PXDNL: variants seen among roughly 807,000 people sequenced by gnomAD.
PXDNL encodes peroxidasin like, also known as probable oxidoreductase PXDNL.
In PXDNL, 145 loss-of-function variants were observed where a neutral mutation model predicts 150.8. The observed-to-expected ratio is 0.96, with a 90% CI of 0.84 to 1.10. The LOEUF is 1.10. Ranked by LOEUF, PXDNL falls within the 50% of genes least tolerant of loss-of-function variation. The pLI, the probability that PXDNL is intolerant of heterozygous loss-of-function variation, is 0.00. For missense variants in PXDNL, 2,087 were observed against 1,873.9 expected (o/e 1.11, Z -2.10); for synonymous variants, 757 against 725.7 (o/e 1.04, Z -0.69).
At chr8:51,695,819 G>T (rs191123543) in intron 1 of PXDNL, among the ~76,000 whole-genome samples, 35 of 152,276 alleles carry the variant, frequency 2.3e-4, no homozygotes, top group African/African-American at 7.9e-4. Context: ...GAGTGCCTGG[G>T]GACTCTGATA....
At chr8:51,751,041 GAA>G (rs2037041042) in intron 1 of PXDNL, among the ~76,000 whole-genome samples, 1 of 149,642 alleles carries the variant, frequency 6.7e-6, no homozygotes, top group African/African-American at 2.5e-5. Flanking sequence ...TTTTTTTTTT[GAA>G]AAGTTTTAAT....
chr8:51,427,431 C>T (rs1231843768), intron 12 of PXDNL, among the ~76,000 whole-genome samples: 1 of 151,628 alleles, frequency 6.6e-6, no homozygotes, highest in Non-Finnish European at 1.5e-5. Flanking sequence ...CAGAAGATAA[C>T]TACAAACAAA....
intron 1 of PXDNL, among the ~76,000 whole-genome samples, chr8:51,797,540 A>C (rs887955027): frequency 6.6e-6 from 1 of 152,228 alleles, no homozygotes; most frequent in African/African-American, 2.4e-5. Context: ...ACAGACAAGC[A>C]GAGAGCCAAA....
rs1228857719 is a variant in PXDNL, at chr8:51,408,974, G to C, written c.2650C>G (p.Arg884Gly). Reference sequence around the variant, plus strand: ...GCTGTTTGCTGGTTGATCTGCTCTCGTGCATAGACTGAATCCACCGTCGCA... The same window carrying C: ...GCTGTTTGCTGGTTGATCTGCTCTCCTGCATAGACTGAATCCACCGTCGCA... ...PSATVDSVYA[R>G]EQINQQTAYI... Residue 884 changes from arginine (R) to glycine (G), a missense_variant, in exon 17 of 23, where the codon CGA (arginine) becomes GGA (glycine). Transcript: ENST00000356297. 7 of 1,612,140 alleles carry C rather than the reference G, an allele frequency of 4.3e-6. No individual in the cohort carries two copies. The highest frequency in any genetic ancestry group is 4.0e-5 in the African/African-American group (3 of 74,942).
intron 16 of PXDNL, 60 bp downstream of exon 16, chr8:51,411,190 A>AGGT (rs1239587878): frequency 1.5e-6 from 2 of 1,303,460 alleles, no homozygotes; most frequent in African/African-American, 1.5e-5. Flanking sequence ...TCCTTTGCTA[A>AGGT]GGTGGTGGTC....
At chr8:51,747,216 C>T (rs2036995499) in intron 1 of PXDNL, among the ~76,000 whole-genome samples, 1 of 152,212 alleles carries the variant, frequency 6.6e-6, no homozygotes, top group Non-Finnish European at 1.5e-5. Flanking sequence ...TGGTGCCCAC[C>T]CTCTCCACTG....
At chr8:51,767,602 A>G (rs1462562389) in intron 1 of PXDNL, among the ~76,000 whole-genome samples, 1 of 152,190 alleles carries the variant, frequency 6.6e-6, no homozygotes, top group African/African-American at 2.4e-5. Flanking sequence ...ACTATGCCTT[A>G]GTCTTCACTT....
rs200076316 is a variant in PXDNL, at chr8:51,472,229, G to T, written c.770C>A (p.Ala257Glu). ...SGNTVYFTCR[A>E]EGNPKPEIIW... ...AATCTCAGGTTTGGGGTTTCCTTCC[G>T]CCCGGCAGGTGAAGTAGACGGTATT... Residue 257 changes from alanine (A) to glutamate (E), a missense_variant, in exon 8 of 23, where the codon GCG (alanine) becomes GAG (glutamate). Transcript: ENST00000356297. 3.1e-6 allele frequency: 5 copies of T among 1,613,080 alleles called. No individual in the cohort carries two copies. The highest frequency in any genetic ancestry group is 4.2e-6 in the Non-Finnish European group (5 of 1,179,416).
intron 19 of PXDNL, among the ~76,000 whole-genome samples, chr8:51,364,971 C>A (rs900700838): frequency 1.2e-4 from 18 of 152,134 alleles, no homozygotes; most frequent in African/African-American, 4.3e-4. Flanking sequence ...GATGAAGTCT[C>A]GCTCTGTAGC....
intron 3 of PXDNL, among the ~76,000 whole-genome samples, chr8:51,571,454 T>G (rs980142618): frequency 1.3e-5 from 2 of 151,824 alleles, no homozygotes; most frequent in African/African-American, 4.8e-5. Context: ...CACATCAACC[T>G]ATGTATTTAC....
chr8:51,331,288 T>A (rs1287694588), intron 21 of PXDNL, among the ~76,000 whole-genome samples: 1 of 151,962 alleles, frequency 6.6e-6, no homozygotes, highest in Non-Finnish European at 1.5e-5. Context: ...CCAAGCCAAG[T>A]GAAATACAGG....
At chr8:51,351,215 A>T (rs906866186) in intron 19 of PXDNL, among the ~76,000 whole-genome samples, 1 of 152,234 alleles carries the variant, frequency 6.6e-6, no homozygotes, top group Non-Finnish European at 1.5e-5. Context: ...CTCAAAATTC[A>T]TATGTTGAAA....
chr8:51,418,293 G>T (rs1302336304), intron 14 of PXDNL, among the ~76,000 whole-genome samples: 1 of 152,128 alleles, frequency 6.6e-6, no homozygotes, highest in Non-Finnish European at 1.5e-5. Flanking sequence ...AGCAAAGATT[G>T]TCATGTATCT....
At chr8:51,357,156 A>G (rs2976990) in intron 19 of PXDNL, among the ~76,000 whole-genome samples, 111,548 of 152,108 alleles carry the variant, frequency 0.73, 41,448 homozygotes, top group East Asian at 0.94. Flanking sequence ...ATATCCCATT[A>G]TTTGAATCAG....
intron 5 of PXDNL, among the ~76,000 whole-genome samples, chr8:51,486,769 TATATATA>T (rs1810752203): frequency 1.2e-4 from 1 of 8,352 alleles, no homozygotes; most frequent in African/African-American, 2.5e-4. Flanking sequence ...TATATATATA[TATATATA>T]TATATATATA....
Position 51,553,740 on chromosome 8 carries a change from T to TTATATATA in PXDNL, c.380+3092_380+3099dup, listed in dbSNP as rs747698313. Among the ~76,000 whole-genome samples the TTATATATA allele has an allele frequency of 4.2e-3, 473 of 112,862 alleles. 2 individuals are homozygous for TTATATATA. The highest frequency in any genetic ancestry group is 5.7e-3 in the East Asian group (25 of 4,366). The allele number at this position is 112,862 out of a possible 152,430, so 74.0% of individuals were successfully genotyped here. On this transcript the variant is annotated intron_variant, in intron 4 of 22. Transcript: ENST00000356297. ...GTTTATTGCCTTATTGTGAGGGATT[T>TTATATATA]TATATATATATATATATATATATAT...
At chr8:51,626,913 A>C (rs1353092367) in intron 2 of PXDNL, among the ~76,000 whole-genome samples, 3 of 152,214 alleles carry the variant, frequency 2.0e-5, no homozygotes, top group African/African-American at 7.2e-5. Context: ...TCCACTGAGC[A>C]GCCTTTGATG....
intron 2 of PXDNL, among the ~76,000 whole-genome samples, chr8:51,640,286 A>G (rs1814718388): frequency 6.6e-6 from 1 of 152,186 alleles, no homozygotes; most frequent in South Asian, 2.1e-4. Flanking sequence ...CCCTTTGAAA[A>G]CTGGCACAAG....
intron 17 of PXDNL, among the ~76,000 whole-genome samples, chr8:51,377,472 A>G (rs2977005): frequency 0.78 from 118,662 of 152,156 alleles, 46,873 homozygotes; most frequent in East Asian, 0.95. Context: ...TCTCTGAGCT[A>G]AACGAGGCCG....
Sources: allele counts gnomAD v4.1 joint callset (sites outside exome capture counted in the v4.1 genomes callset), GRCh38; gene constraint gnomAD v4.1.1; transcripts MANE v1.5; gene names NCBI Gene and HGNC (gene_info 2026-07-23, HGNC 2026-07-21).